Variants in SIDT1 observed in about 807,000 individuals in gnomAD.
SIDT1 encodes SID1 transmembrane family, member 1.
In SIDT1, 101 loss-of-function variants were observed where a neutral mutation model predicts 107.5. The observed-to-expected ratio is 0.94, with a 90% confidence interval of 0.80 to 1.11. The LOEUF is 1.11. Ranked by LOEUF, SIDT1 falls within the 50% of genes least tolerant of loss-of-function variation. The probability of loss-of-function intolerance (pLI) is 0.00; values close to 1 mark genes in which losing one functional copy is unlikely to be tolerated. For missense variants in SIDT1, 1,076 were observed against 1,058.2 expected (o/e 1.02, Z -0.23); for synonymous variants, 395 against 398.2 (o/e 0.99, Z 0.10).
chr3:113,606,020 A>G lies in SIDT1; in HGVS notation c.1405-1021A>G, dbSNP rs373578293. Among the ~76,000 whole-genome samples the G allele has an allele frequency of 4.8e-3, 484 of 101,562 alleles. 6 individuals carry two copies. Among genetic ancestry groups the G allele is most frequent in the African/African-American group, 0.016 (461 of 28,264 alleles). The allele number at this position is 101,562 out of a possible 152,430, so 66.6% of individuals were successfully genotyped here. A position where few individuals can be genotyped will look rare whatever the true frequency, so the allele number is the denominator to read the frequency against. On this transcript the variant is annotated intron_variant, in intron 14 of 24. Transcript: ENST00000264852. ...ACCGTGTCTCAAGAACAAAAAAAGG[A>G]AAAAAAAGAAAAAAAAAAAGCTTCA...
downstream of SIDT1, among the ~76,000 whole-genome samples, chr3:113,631,432 G>A (rs1271715182): frequency 6.6e-6 from 1 of 152,222 alleles, no homozygotes; most frequent in East Asian, 1.9e-4. Context: ...ACTATCGGTA[G>A]AGATTCTATT....
chr3:113,569,880 G>T (rs1335697558), intron 3 of SIDT1, among the ~76,000 whole-genome samples: 1 of 152,096 alleles, frequency 6.6e-6, no homozygotes, highest in Non-Finnish European at 1.5e-5. Flanking sequence ...ACCCTAAAAT[G>T]ATTTCTAAAT....
At chr3:113,550,277 T>C (rs912763217) in intron 1 of SIDT1, among the ~76,000 whole-genome samples, 7 of 152,238 alleles carry the variant, frequency 4.6e-5, no homozygotes, top group African/African-American at 1.7e-4. Flanking sequence ...CTGGGTAATA[T>C]CCTGTGATTG....
chr3:113,560,490 G>A (rs988481685), intron 1 of SIDT1, among the ~76,000 whole-genome samples: 5 of 152,218 alleles, frequency 3.3e-5, no homozygotes, highest in Non-Finnish European at 7.3e-5. Context: ...TGATGGATGA[G>A]AGTGGGAGCA....
chr3:113,537,465 A>G (rs576360020), intron 1 of SIDT1, among the ~76,000 whole-genome samples: 41 of 152,244 alleles, frequency 2.7e-4, no homozygotes, highest in Admixed American at 9.2e-4. Flanking sequence ...AAACTTTGAT[A>G]TGATGGCCTG....
At chr3:113,609,757 G>C (rs1945608023) in intron 17 of SIDT1, among the ~76,000 whole-genome samples, 1 of 152,130 alleles carries the variant, frequency 6.6e-6, no homozygotes, top group African/African-American at 2.4e-5. Context: ...ATTTTCAATA[G>C]AGAAAACTGC....
intron 1 of SIDT1, among the ~76,000 whole-genome samples, chr3:113,539,278 G>A (rs987920004): frequency 6.6e-6 from 1 of 151,996 alleles, no homozygotes; most frequent in Non-Finnish European, 1.5e-5. Flanking sequence ...CCTTATTTAA[G>A]TTTAAATTGT....
In SIDT1 at chr3:113,618,473, A is replaced by G. The variant is rs554722753; in HGVS notation, c.2044-1207A>G. Among the ~76,000 whole-genome samples, 9 of 152,346 alleles carry G rather than the reference A, an allele frequency of 5.9e-5. No individual in the cohort carries two copies. The East Asian group carries it at 1.5e-3, about 26-fold the overall frequency. The stretch of plus-strand genomic sequence containing the variant: ...GCTATTGCTGGATTACATGGCAATC[A>G]TAAGTTTAGTTTTGTAAGAAACGCG... On this transcript the variant is annotated intron_variant, in intron 20 of 24. Coordinates refer to ENST00000264852, the MANE Select transcript of SIDT1 (RefSeq NM_017699.3).
At chr3:113,586,231 T>C (rs943797957) in intron 9 of SIDT1, among the ~76,000 whole-genome samples, 2 of 152,182 alleles carry the variant, frequency 1.3e-5, no homozygotes, top group Non-Finnish European at 2.9e-5. Flanking sequence ...TGGGACAATT[T>C]GAACACCAAA....
rs200970930 is a variant in SIDT1, at chr3:113,603,103, G to A, written c.1216G>A (p.Asp406Asn). 28 of 1,614,086 alleles carry A rather than the reference G, an allele frequency of 1.7e-5. No homozygotes were observed. In the East Asian group the frequency reaches 6.0e-4, roughly 35 times the overall value. The change falls in exon 12 of 25, where the codon GAC (aspartate) becomes AAC (asparagine). Residue 406 changes from aspartate (D) to asparagine (N), a missense_variant. Physicochemically the swap from Asp to Asn is conservative, Grantham distance 23 (BLOSUM62 1). Transcript: ENST00000264852. ...TDSSVEESDF[D>N]TMPDIESDKN... The stretch of plus-strand genomic sequence containing the variant: ...CAGCTCCGTGGAGGAGAGCGACTTC[G>A]ACACCATGCCAGACATTGAGAGTGA...
intron 1 of SIDT1, among the ~76,000 whole-genome samples, chr3:113,556,042 G>T (rs547072342): frequency 3.9e-5 from 6 of 152,224 alleles, no homozygotes; most frequent in African/African-American, 1.4e-4. Context: ...GGATGAAGCT[G>T]CCCAGGGAGA....
chr3:113,570,701 A>C (rs1942370422), intron 3 of SIDT1, among the ~76,000 whole-genome samples: 1 of 152,218 alleles, frequency 6.6e-6, no homozygotes, highest in Non-Finnish European at 1.5e-5. Flanking sequence ...AATGAGGAAG[A>C]GCTGAGGATT....
At chr3:113,607,485 G>C (rs1345162493) in intron 15 of SIDT1, among the ~76,000 whole-genome samples, 2 of 152,234 alleles carry the variant, frequency 1.3e-5, no homozygotes, top group Non-Finnish European at 2.9e-5. Context: ...AGGCAGGTGA[G>C]GATTTGCTGA....
intron 6 of SIDT1, 33 bp downstream of exon 6, chr3:113,581,477 A>G (rs775577267): frequency 1.3e-5 from 20 of 1,512,412 alleles, no homozygotes; most frequent in East Asian, 2.3e-5. Flanking sequence ...ATTATTGCCA[A>G]TGGTAATGCT....
chr3:113,619,688 G>A lies in SIDT1; in HGVS notation c.2052G>A (p.Met684Ile). 6.2e-7 allele frequency: 1 copy of A among 1,614,062 alleles called. No homozygotes were observed. The highest frequency in any genetic ancestry group is 8.5e-7 in the Non-Finnish European group (1 of 1,179,914). The change falls in exon 21 of 25, where the codon ATG becomes ATA. Residue 684 changes from methionine to isoleucine, a missense_variant. Coordinates refer to ENST00000264852, the MANE Select transcript of SIDT1 (RefSeq NM_017699.3). ...TCTTTCCTCTTTTCCAGGATAGAAT[G>A]GTGTTGCTGGTTGTGGGGAATCTGG... ...QCSRPLYMDR[M>I]VLLVVGNLVN...
intron 10 of SIDT1, among the ~76,000 whole-genome samples, chr3:113,598,171 G>A (rs1944709130): frequency 6.6e-6 from 1 of 152,124 alleles, no homozygotes; most frequent in Non-Finnish European, 1.5e-5. Flanking sequence ...AATGAACAGG[G>A]CCAGCAACAA....
chr3:113,549,700 T>C (rs767503851), intron 1 of SIDT1, among the ~76,000 whole-genome samples: 1 of 152,180 alleles, frequency 6.6e-6, no homozygotes, highest in Non-Finnish European at 1.5e-5. Context: ...AGCCTTGCCT[T>C]TTCATTTTCT....
At chr3:113,622,639 AAT>A (rs1204669504) in intron 21 of SIDT1, among the ~76,000 whole-genome samples, 2 of 152,162 alleles carry the variant, frequency 1.3e-5, no homozygotes, top group Admixed American at 6.5e-5. Flanking sequence ...AAAATTTGGT[AAT>A]GTGTGTCAAG....
At chr3:113,542,178 C>A (rs887357161) in intron 1 of SIDT1, among the ~76,000 whole-genome samples, 3 of 152,136 alleles carry the variant, frequency 2.0e-5, no homozygotes, top group African/African-American at 7.2e-5. Flanking sequence ...CTGCCTCAGA[C>A]TCCCACAGTC....
Sources: allele counts gnomAD v4.1 joint callset (sites outside exome capture counted in the v4.1 genomes callset), GRCh38; gene constraint gnomAD v4.1.1; transcripts MANE v1.5; gene names NCBI Gene and HGNC (gene_info 2026-07-23, HGNC 2026-07-21).